The following GPR37L1 variants were observed in gnomAD, a reference collection of about 807,000 sequenced individuals.
The protein encoded by GPR37L1 is G protein-coupled receptor 37-like 1.
In GPR37L1, 18 loss-of-function variants were observed where a neutral mutation model predicts 18.0. That is an observed-to-expected ratio of 1.00 (90% confidence interval 0.69 to 1.49). The LOEUF is 1.49. Among genes scored for constraint, GPR37L1 ranks in the 40% most tolerant of loss-of-function variants. GPR37L1 has a pLI of 0.00. For synonymous variants in GPR37L1, 256 were observed against 273.9 expected (o/e 0.93, Z 0.65); for missense variants, 558 against 615.1 (o/e 0.91, Z 0.98).
At position 202,127,726 on chromosome 1, in the gene GPR37L1, A is replaced by T. The variant is rs1383466695; in HGVS notation, c.631-15A>T. The T allele has an allele frequency of 6.5e-7, 1 of 1,527,654 alleles. No individual in the cohort carries two copies. Among genetic ancestry groups the T allele is most frequent in the Non-Finnish European group, 8.8e-7 (1 of 1,133,472 alleles). The allele number at this position is 1,527,654 out of a possible 1,614,324, so 94.6% of individuals were successfully genotyped here. ...TGACCAAGTGCTTCTCTCTTCCCTC[A>T]CATCCTGCCCACAGGTCTCCTCTCT... is the stretch of plus-strand genomic sequence containing the variant. On this transcript the variant is annotated splice_polypyrimidine_tract_variant and intron_variant, in intron 1 of 1. Transcript: ENST00000367282.
chr1:202,126,333 G>A (rs1239472558), intron 1 of GPR37L1, among the ~76,000 whole-genome samples: 6 of 151,872 alleles, frequency 4.0e-5, no homozygotes, highest in Non-Finnish European at 8.8e-5. Flanking sequence ...ACTTGAACCC[G>A]GGAGGTGGAG....
In GPR37L1 at chr1:202,128,014, G is replaced by A. The variant is rs1654720546; in HGVS notation, c.904G>A (p.Val302Met). Residue 302 changes from valine (V) to methionine (M), a missense_variant, in exon 2 of 2, where the codon GTG (valine) becomes ATG (methionine). Transcript: ENST00000367282. ...CCTGCCCGAGTCCCTGTATTCACTG[G>A]TGATGACCTACCAGAACGCCCGCAT... Reference protein sequence around the residue: ...ASLPESLYSLVMTYQNARMWW... With the variant: ...ASLPESLYSLMMTYQNARMWW... The A allele has an allele frequency of 6.2e-7, 1 of 1,614,152 alleles. No individual in the cohort carries two copies. The highest frequency in any genetic ancestry group is 8.5e-7 in the Non-Finnish European group (1 of 1,180,030).
At position 202,128,141 on chromosome 1, in the gene GPR37L1, A is replaced by T. The variant is rs775957712; in HGVS notation, c.1031A>T (p.Glu344Val). 3 of 1,614,116 alleles carry T rather than the reference A, an allele frequency of 1.9e-6. No homozygotes were observed. Among genetic ancestry groups the T allele is most frequent in the Admixed American group, 1.7e-5 (1 of 60,028 alleles). Residue 344 changes from glutamate (E) to valine (V), a missense_variant, in exon 2 of 2, where the codon GAG becomes GTG. By Grantham distance (121) the Glu-to-Val change is moderately radical. Transcript: ENST00000367282. ...RVRGPPGRKS[E>V]CRASKHEQCE... is the part of the protein sequence containing the mutation. ...CGAGGCCCTCCAGGGAGGAAGTCAG[A>T]GTGCAGGGCCAGCAAGCACGAGCAG...
At chr1:202,124,186 C>A (rs576938395) in intron 1 of GPR37L1, among the ~76,000 whole-genome samples, 2 of 152,262 alleles carry the variant, frequency 1.3e-5, no homozygotes, top group East Asian at 3.9e-4. Flanking sequence ...TCATTGTTAT[C>A]GTTGTCATTT....
At chr1:202,125,055 C>A (rs1263352968) in intron 1 of GPR37L1, among the ~76,000 whole-genome samples, 2 of 149,690 alleles carry the variant, frequency 1.3e-5, no homozygotes, top group Non-Finnish European at 3.0e-5. Flanking sequence ...GTCCCAGGTA[C>A]TCAGGAGGCT....
At position 202,128,576 on chromosome 1, in the gene GPR37L1, AG is replaced by A; in HGVS notation, c.*23del. 1 of 623,864 alleles carries A rather than the reference AG, an allele frequency of 1.6e-6. No individual in the cohort carries two copies. Among genetic ancestry groups the A allele is most frequent in the Non-Finnish European group, 2.8e-6 (1 of 363,248 alleles). 38.6% of individuals were successfully genotyped at this position (623,864 alleles called of 1,614,324 possible). A position where few individuals can be genotyped will look rare whatever the true frequency, so the allele number is the denominator to read the frequency against. On this transcript the variant is annotated 3_prime_UTR_variant, in exon 2 of 2. Coordinates refer to ENST00000367282, the MANE Select transcript of GPR37L1 (RefSeq NM_004767.5). ...TGCTGAGGCCCCAGTAGGGGTGGGG[AG>A]GGAGGGAGAGGCCGCCACCCCCGCC... is the stretch of plus-strand genomic sequence containing the variant.
rs1654783989 is a variant in GPR37L1, at chr1:202,129,707, A to C, written c.*1151A>C. 6.6e-6 allele frequency: 1 copy of C among 152,316 alleles called. No homozygotes were observed. Among genetic ancestry groups the C allele is most frequent in the Non-Finnish European group, 1.5e-5 (1 of 68,108 alleles). 9.4% of individuals were successfully genotyped at this position (152,316 alleles called of 1,614,324 possible). ...AAGGGTTTTATGGCTTTTGAGGGAC[A>C]GAGAGGATGGAGGGCTTGGGGAGCC... is the stretch of plus-strand genomic sequence containing the variant. On this transcript the variant is annotated 3_prime_UTR_variant, in exon 2 of 2. Coordinates refer to ENST00000367282, the MANE Select transcript of GPR37L1 (RefSeq NM_004767.5).
rs561115649 is a variant in GPR37L1, at chr1:202,123,027, G to C, written c.64G>C (p.Val22Leu). ...AVILAVGLSR[V>L]SGGAPLHLGR... is the part of the protein sequence containing the mutation. The stretch of plus-strand genomic sequence containing the variant: ...GATTTTGGCTGTGGGGCTAAGCAGG[G>C]TCTCTGGGGGTGCCCCCCTGCACCT... The change falls in exon 1 of 2, where the codon GTC becomes CTC. Residue 22 changes from valine to leucine, a missense_variant. Transcript: ENST00000367282. 19 of 1,613,584 alleles carry C rather than the reference G, an allele frequency of 1.2e-5. No homozygotes were observed. Among genetic ancestry groups the C allele is most frequent in the Non-Finnish European group, 1.6e-5 (19 of 1,180,016 alleles).
At chr1:202,123,801 G>C (rs1340254627) in intron 1 of GPR37L1, among the ~76,000 whole-genome samples, 5 of 152,144 alleles carry the variant, frequency 3.3e-5, no homozygotes, top group African/African-American at 4.8e-5. Flanking sequence ...AGGCCAGGGG[G>C]ACAGGCGGGT....
rs771829131 is a variant in GPR37L1, at chr1:202,123,108, G to A, written c.145G>A (p.Glu49Lys). 1.1e-5 allele frequency: 18 copies of A among 1,613,612 alleles called. No homozygotes were observed. Among genetic ancestry groups the A allele is most frequent in the Admixed American group, 1.7e-5 (1 of 59,946 alleles). Residue 49 changes from glutamate to lysine, a missense_variant, in exon 1 of 2, where the codon GAG becomes AAG. By Grantham distance (56) the Glu-to-Lys change is moderately conservative. Coordinates refer to ENST00000367282, the MANE Select transcript of GPR37L1 (RefSeq NM_004767.5). ...EQQSRSKRGT[E>K]DEEAKGVQQY... Reference sequence around the variant, plus strand: ...GCAGAGCCGATCCAAGAGGGGCACCGAGGATGAGGAGGCCAAGGGCGTGCA... The same window carrying A: ...GCAGAGCCGATCCAAGAGGGGCACCAAGGATGAGGAGGCCAAGGGCGTGCA...
In GPR37L1 at chr1:202,127,303, CTTCT is replaced by C. The variant is rs1206769193; in HGVS notation, c.631-434_631-431del. On this transcript the variant is annotated intron_variant, in intron 1 of 1. Transcript: ENST00000367282. ...CTTTCCTTCCTTCCTTCCTTCCTTC[CTTCT>C]TTCCTTCCTTCCTTCCTTCCTTGTT... 1.4e-3 allele frequency among the ~76,000 whole-genome samples: 98 copies of C among 67,826 alleles called. No homozygotes were observed. In the East Asian group the frequency reaches 0.061, roughly 42 times the overall value. The allele number at this position is 67,826 out of a possible 152,430, so 44.5% of individuals were successfully genotyped here. A position where few individuals can be genotyped will look rare whatever the true frequency, so the allele number is the denominator to read the frequency against.
chr1:202,123,111 G>T lies in GPR37L1; in HGVS notation c.148G>T (p.Asp50Tyr). The stretch of plus-strand genomic sequence containing the variant: ...GAGCCGATCCAAGAGGGGCACCGAG[G>T]ATGAGGAGGCCAAGGGCGTGCAGCA... ...QQSRSKRGTE[D>Y]EEAKGVQQYV... The change falls in exon 1 of 2, where the codon GAT becomes TAT. Residue 50 changes from aspartate to tyrosine, a missense_variant. Asp to Tyr is a radical substitution (Grantham distance 160, BLOSUM62 -3). Coordinates refer to ENST00000367282, the MANE Select transcript of GPR37L1 (RefSeq NM_004767.5). 1.9e-6 allele frequency: 3 copies of T among 1,613,740 alleles called. No homozygotes were observed. The highest frequency in any genetic ancestry group is 2.5e-6 in the Non-Finnish European group (3 of 1,179,890).
At chr1:202,126,545 G>T (rs1436735246) in intron 1 of GPR37L1, among the ~76,000 whole-genome samples, 1 of 152,214 alleles carries the variant, frequency 6.6e-6, no homozygotes, top group Admixed American at 6.5e-5. Context: ...GCTGGGGATT[G>T]TGTTCCCCCA....
rs922473649 is a variant in GPR37L1, at chr1:202,130,858, C to A, written c.*2302C>A. ...AGGGCAGGGGAGTCAGACCCCTCAA[C>A]ATCCTGTTTAGGGGTCCTCCTCCAC... On this transcript the variant is annotated 3_prime_UTR_variant, in exon 2 of 2. Coordinates refer to ENST00000367282, the MANE Select transcript of GPR37L1 (RefSeq NM_004767.5). The A allele has an allele frequency of 6.6e-6, 1 of 152,258 alleles. No homozygotes were observed. Among genetic ancestry groups the A allele is most frequent in the African/African-American group, 2.4e-5 (1 of 41,456 alleles). The allele number at this position is 152,258 out of a possible 1,614,324, so 9.4% of individuals were successfully genotyped here.
Position 202,123,357 on chromosome 1 carries a change from G to A in GPR37L1, c.394G>A (p.Ala132Thr). The change falls in exon 1 of 2, where the codon GCC (alanine) becomes ACC (threonine). Residue 132 changes from alanine to threonine, a missense_variant. Ala to Thr is a moderately conservative substitution (Grantham distance 58). Coordinates refer to ENST00000367282, the MANE Select transcript of GPR37L1 (RefSeq NM_004767.5). ...GACCGAGAGCTCCTACAGTGCCTAT[G>A]CCATCATGCTTCTGGCGCTGGTGGT... ...PVTESSYSAY[A>T]IMLLALVVFA... is the part of the protein sequence containing the mutation. The A allele has an allele frequency of 5.0e-6, 8 of 1,614,196 alleles. No individual in the cohort carries two copies. The highest frequency in any genetic ancestry group is 6.8e-6 in the Non-Finnish European group (8 of 1,180,036).
At position 202,130,836 on chromosome 1, in the gene GPR37L1, G is replaced by A. The variant is rs1252459718; in HGVS notation, c.*2280G>A. On this transcript the variant is annotated 3_prime_UTR_variant, in exon 2 of 2. Transcript: ENST00000367282. ...CGGGTGAACTGAGGTGAAGTCCAGG[G>A]CAGGGGAGTCAGACCCCTCAACATC... 2 of 152,252 alleles carry A rather than the reference G, an allele frequency of 1.3e-5. No homozygotes were observed. The highest frequency in any genetic ancestry group is 4.8e-5 in the African/African-American group (2 of 41,440). 9.4% of individuals were successfully genotyped at this position (152,252 alleles called of 1,614,324 possible).
At chr1:202,127,330 G>C (rs1303415231) in intron 1 of GPR37L1, among the ~76,000 whole-genome samples, 1 of 97,336 alleles carries the variant, frequency 1.0e-5, no homozygotes, top group South Asian at 3.0e-4. Context: ...TTCCTTCCTT[G>C]TTTCCACAGG....
rs201244518 is a variant in GPR37L1 at position 202,128,272 on chromosome 1, G to A, written c.1162G>A (p.Glu388Lys). Residue 388 changes from glutamate to lysine, a missense_variant, in exon 2 of 2, where the codon GAG becomes AAG. Physicochemically the swap from Glu to Lys is moderately conservative, Grantham distance 56 (BLOSUM62 1). Transcript: ENST00000367282. ...CATCGTGGTGGCCTACCTCTCCACC[G>A]AGCTGACCCGCCAGACCCTGGACCT... The part of the protein sequence containing the change: ...CNIVVAYLST[E>K]LTRQTLDLLG... 3.7e-5 allele frequency: 60 copies of A among 1,614,032 alleles called. No individual in the cohort carries two copies. Among genetic ancestry groups the A allele is most frequent in the Non-Finnish European group, 4.1e-5 (48 of 1,180,032 alleles).
chr1:202,123,453 G>A lies in GPR37L1; in HGVS notation c.490G>A (p.Ala164Thr), dbSNP rs776830420. The A allele has an allele frequency of 1.4e-5, 23 of 1,613,996 alleles. No individual in the cohort carries two copies. Among genetic ancestry groups the A allele is most frequent in the East Asian group, 2.2e-5 (1 of 44,878 alleles). The change falls in exon 1 of 2, where the codon GCC becomes ACC. Residue 164 changes from alanine to threonine, a missense_variant. Coordinates refer to ENST00000367282, the MANE Select transcript of GPR37L1 (RefSeq NM_004767.5). ...IVWHSYYLKS[A>T]WNSILASLAL... ...GTGGCACAGCTACTACCTGAAGAGT[G>A]CCTGGAACTCCATCCTTGCCAGCCT...
Sources: allele counts gnomAD v4.1 joint callset (sites outside exome capture counted in the v4.1 genomes callset), GRCh38; gene constraint gnomAD v4.1.1; transcripts MANE v1.5; gene names NCBI Gene and HGNC (gene_info 2026-07-23, HGNC 2026-07-21).